The following FAM110A variants were observed in gnomAD, a reference collection of about 807,000 sequenced individuals.
FAM110A encodes the protein family with sequence similarity 110 member A.
FAM110A carries 1 observed loss-of-function variant against 4.0 expected under a neutral mutation model. The observed-to-expected ratio is 0.25, with a 90% CI of 0.09 to 1.20. The LOEUF (loss-of-function observed/expected upper bound fraction) is 1.20. Among genes scored for constraint, FAM110A ranks in the 50% most tolerant of loss-of-function variants. The pLI is 0.50. For missense variants in FAM110A, 436 were observed against 429.2 expected, an observed-to-expected ratio of 1.02 and a Z score of -0.14; for synonymous variants, 217 against 196.8, an observed-to-expected ratio of 1.10 and a Z score of -0.86.
At position 845,071 on chromosome 20, in the gene FAM110A, C is replaced by A. The variant is rs1357542499; in HGVS notation, c.267C>A (p.Ser89Arg). 7 of 1,595,666 alleles carry A rather than the reference C, an allele frequency of 4.4e-6. No homozygotes were observed. Among genetic ancestry groups the A allele is most frequent in the Non-Finnish European group, 6.0e-6 (7 of 1,172,286 alleles). ...PETRRTVLTP[S>R]RRALPGPCRR... ...CTCGCCGCACAGTGCTCACGCCCAG[C>A]CGCCGAGCCCTGCCTGGCCCCTGCC... The change falls in exon 2 of 2, where the codon AGC (serine) becomes AGA (arginine). Residue 89 changes from serine (S) to arginine (R), a missense_variant. By Grantham distance (110) the Ser-to-Arg change is moderately radical. Coordinates refer to ENST00000381941, the MANE Select transcript of FAM110A (RefSeq NM_001042353.3).
intron 1 of FAM110A, among the ~76,000 whole-genome samples, chr20:835,019 A>G (rs906395064): frequency 6.6e-6 from 1 of 152,066 alleles, no homozygotes; most frequent in African/African-American, 2.4e-5. Context: ...GATGCAAGGC[A>G]GGGGCTGAGG....
intron 1 of FAM110A, among the ~76,000 whole-genome samples, chr20:835,192 CTCTCTCTCTATA>C (rs1427396593): frequency 7.9e-6 from 1 of 126,182 alleles, no homozygotes; most frequent in Non-Finnish European, 1.7e-5. Context: ...CTCTCTCTCT[CTCTCTCTCTATA>C]TATATATATA....
In FAM110A at chr20:844,845, C is replaced by A; in HGVS notation, c.41C>A (p.Pro14His). 2 of 1,525,862 alleles carry A rather than the reference C, an allele frequency of 1.3e-6. No homozygotes were observed. The highest frequency in any genetic ancestry group is 2.5e-5 in the East Asian group (1 of 40,674). 94.5% of individuals were successfully genotyped at this position (1,525,862 alleles called of 1,614,324 possible). A position where few individuals can be genotyped will look rare whatever the true frequency, so the allele number is the denominator to read the frequency against. Residue 14 changes from proline (P) to histidine (H), a missense_variant, in exon 2 of 2, where the codon CCC (proline) becomes CAC (histidine). Coordinates refer to ENST00000381941, the MANE Select transcript of FAM110A (RefSeq NM_001042353.3). ...HTLSPGAPSA[P>H]ALPCRLRTRV... ...CTGAGCCCCGGAGCCCCGTCCGCCC[C>A]CGCCCTACCTTGCCGCCTGCGGACC...
Position 845,287 on chromosome 20 carries a change from C to T in FAM110A, c.483C>T (p.Ala161=). 8 of 1,506,522 alleles carry T rather than the reference C, an allele frequency of 5.3e-6. No homozygotes were observed. The highest frequency in any genetic ancestry group is 7.1e-6 in the Non-Finnish European group (8 of 1,130,354). 93.3% of individuals were successfully genotyped at this position (1,506,522 alleles called of 1,614,324 possible). The change falls in exon 2 of 2, where the codon GCC becomes GCT. Residue 161 remains alanine, a synonymous_variant. Coordinates refer to ENST00000381941, the MANE Select transcript of FAM110A (RefSeq NM_001042353.3). ...GGGTGGACGTCCGCCCCCTGCCCGC[C>T]TCGCCTGCCCGGCCCTGCCCATCAC... ...VRRVDVRPLP[A]SPARPCPSPG...
chr20:841,806 C>T (rs1184836584), intron 1 of FAM110A, among the ~76,000 whole-genome samples: 3 of 152,162 alleles, frequency 2.0e-5, no homozygotes, highest in Admixed American at 2.0e-4. Flanking sequence ...GACTTGGGAC[C>T]CTGGCTTCAC....
chr20:841,613 C>G (rs75805694), intron 1 of FAM110A, among the ~76,000 whole-genome samples: 10,397 of 152,208 alleles, frequency 0.068, 420 homozygotes, highest in African/African-American at 0.11. Context: ...AGCCCTGCCC[C>G]GCGGCCTCTG....
At chr20:843,227 C>G (rs1295050839) in intron 1 of FAM110A, among the ~76,000 whole-genome samples, 1 of 152,180 alleles carries the variant, frequency 6.6e-6, no homozygotes, top group Admixed American at 6.5e-5. Flanking sequence ...GTTTCTCCAT[C>G]TGCACAACGA....
chr20:836,570 A>G (rs1416103831), intron 1 of FAM110A, among the ~76,000 whole-genome samples: 1 of 152,236 alleles, frequency 6.6e-6, no homozygotes, highest in East Asian at 1.9e-4. Flanking sequence ...AATCTATTCT[A>G]ATATTCTATG....
intron 1 of FAM110A, chr20:839,980 T>G (rs1979795727): frequency 2.9e-6 from 4 of 1,375,172 alleles, no homozygotes; most frequent in Non-Finnish European, 4.1e-6. Context: ...ATCAGCATCT[T>G]GGCAGCTGTA....
intron 1 of FAM110A, chr20:839,384 T>G: frequency 1.1e-5 from 6 of 559,854 alleles, no homozygotes; most frequent in South Asian, 1.5e-5. Context: ...AGTGCTCAGA[T>G]GAGATTTGTT....
intron 1 of FAM110A, among the ~76,000 whole-genome samples, chr20:838,740 AAG>A (rs1401234784): frequency 3.3e-5 from 5 of 152,112 alleles, no homozygotes; most frequent in Admixed American, 2.0e-4. Flanking sequence ...CAGAGCAGGA[AAG>A]AGGTTGGAGA....
intron 1 of FAM110A, among the ~76,000 whole-genome samples, chr20:842,654 G>T (rs6055267): frequency 0.055 from 8,300 of 152,256 alleles, 721 homozygotes; most frequent in African/African-American, 0.19. Flanking sequence ...GGGCCAGATG[G>T]AGGAGGAGGG....
chr20:842,797 C>T (rs531816532), intron 1 of FAM110A, among the ~76,000 whole-genome samples: 63 of 152,260 alleles, frequency 4.1e-4, no homozygotes, highest in African/African-American at 1.4e-3. Context: ...GAACAATACA[C>T]CTACCACCTT....
In FAM110A at chr20:844,736, C is replaced by T; in HGVS notation, c.-69C>T. The T allele has an allele frequency of 7.4e-7, 1 of 1,347,568 alleles. No individual in the cohort carries two copies. Among genetic ancestry groups the T allele is most frequent in the Non-Finnish European group, 9.5e-7 (1 of 1,054,544 alleles). The allele number at this position is 1,347,568 out of a possible 1,614,324, so 83.5% of individuals were successfully genotyped here. The stretch of plus-strand genomic sequence containing the variant: ...TGGCCGGTGTCCAGCTGCCTACTTT[C>T]TGCCCGGATCTCTGGCTCCTCATCT... On this transcript the variant is annotated 5_prime_UTR_variant, in exon 2 of 2. Transcript: ENST00000381941.
In FAM110A at chr20:844,939, C is replaced by A. The variant is rs1251787394; in HGVS notation, c.135C>A (p.Arg45=). The A allele has an allele frequency of 6.3e-7, 1 of 1,586,188 alleles. No individual in the cohort carries two copies. The highest frequency in any genetic ancestry group is 1.8e-5 in the Admixed American group (1 of 56,074). ...GGARKPSAVE[R]LEADKAKYVK... Reference sequence around the variant, plus strand: ...CCCGGAAACCGAGCGCTGTGGAGCGCCTGGAGGCCGACAAGGCCAAGTACG... The same window carrying A: ...CCCGGAAACCGAGCGCTGTGGAGCGACTGGAGGCCGACAAGGCCAAGTACG... Residue 45 remains arginine (R), a synonymous_variant, in exon 2 of 2, where the codon CGC becomes CGA. Coordinates refer to ENST00000381941, the MANE Select transcript of FAM110A (RefSeq NM_001042353.3).
chr20:841,006 G>A (rs115613570), intron 1 of FAM110A, among the ~76,000 whole-genome samples: 9,281 of 152,258 alleles, frequency 0.061, 816 homozygotes, highest in African/African-American at 0.19. Context: ...CATCTCTAAG[G>A]TGGGTGCGCT....
Position 845,711 on chromosome 20 carries a change from T to A in FAM110A, c.*19T>A. ...AGGCTAGGCGCCACTGGGCCTGGAATTCGCCACAGGACGGATCTTACAGAG... is the reference window on the plus strand; with the variant it reads ...AGGCTAGGCGCCACTGGGCCTGGAAATCGCCACAGGACGGATCTTACAGAG... On this transcript the variant is annotated 3_prime_UTR_variant, in exon 2 of 2. Transcript: ENST00000381941. 1 of 1,613,756 alleles carries A rather than the reference T, an allele frequency of 6.2e-7. No homozygotes were observed. The highest frequency in any genetic ancestry group is 8.5e-7 in the Non-Finnish European group (1 of 1,179,912).
chr20:845,612 G>A lies in FAM110A; in HGVS notation c.808G>A (p.Val270Met). ...ARERVPYGVSVVERNARVIKW... is the reference protein window; with the variant it reads ...ARERVPYGVSMVERNARVIKW... ...GGAGCGCGTTCCCTATGGCGTGTCG[G>A]TGGTGGAGCGCAATGCCCGCGTGAT... Residue 270 changes from valine (V) to methionine (M), a missense_variant, in exon 2 of 2, where the codon GTG (valine) becomes ATG (methionine). Transcript: ENST00000381941. 3 of 1,614,142 alleles carry A rather than the reference G, an allele frequency of 1.9e-6. No individual in the cohort carries two copies. Among genetic ancestry groups the A allele is most frequent in the Non-Finnish European group, 2.5e-6 (3 of 1,180,046 alleles).
intron 1 of FAM110A, chr20:839,601 G>T: frequency 9.6e-7 from 1 of 1,046,038 alleles, no homozygotes; most frequent in Non-Finnish European, 1.5e-6. Flanking sequence ...TGTGAGTCTT[G>T]CAGGTCGCTT....
Sources: gnomAD v4.1 joint callset for allele counts (sites outside exome capture counted in the v4.1 genomes callset) on GRCh38, gnomAD v4.1.1 for gene constraint, MANE v1.5 for transcripts, NCBI Gene and HGNC (gene_info 2026-07-23, HGNC 2026-07-21) for gene names.